Variants in CFTR observed in about 807,000 individuals in gnomAD.
CFTR encodes cystic fibrosis transmembrane conductance regulator.
Under a neutral mutation model 171.6 loss-of-function variants are expected in CFTR, and 181 were observed. The observed-to-expected ratio is 1.05, with a 90% CI of 0.93 to 1.19. CFTR has a LOEUF of 1.19. Ranked by LOEUF, CFTR falls within the 50% of genes most tolerant of loss-of-function variation. The pLI is 0.00. For synonymous variants in CFTR, 583 were observed against 608.0 expected, an observed-to-expected ratio of 0.96 and a Z score of 0.60; for missense variants, 1,968 against 1,734.7, an observed-to-expected ratio of 1.13 and a Z score of -2.39.
intron 13 of CFTR, 21 bp downstream of exon 13, chr7:117,590,460 A>G: frequency 6.3e-7 from 1 of 1,593,018 alleles, no homozygotes; most frequent in East Asian, 2.3e-5. Flanking sequence ...TGAATACCTT[A>G]CTTATAATGC....
rs1799418782 is a variant in CFTR, at chr7:117,559,515, A to G, written c.1444A>G (p.Ile482Val). ...AGAACTGGAGCCTTCAGAGGGTAAAATTAAGCACAGTGGAAGAATTTCATT... is the reference window on the plus strand; with the variant it reads ...AGAACTGGAGCCTTCAGAGGGTAAAGTTAAGCACAGTGGAAGAATTTCATT... ...MGELEPSEGK[I>V]KHSGRISFCS... The change falls in exon 11 of 27, where the codon ATT becomes GTT. Residue 482 changes from isoleucine (I) to valine (V), a missense_variant. Physicochemically the swap from Ile to Val is conservative, Grantham distance 29. Transcript: ENST00000003084. 1.2e-6 allele frequency: 2 copies of G among 1,612,548 alleles called. No homozygotes were observed. Among genetic ancestry groups the G allele is most frequent in the Non-Finnish European group, 1.7e-6 (2 of 1,178,746 alleles).
chr7:117,553,439 G>A (rs1049604078), intron 10 of CFTR, among the ~76,000 whole-genome samples: 91 of 152,206 alleles, frequency 6.0e-4, no homozygotes, highest in African/African-American at 2.0e-3. Context: ...CCTATAAGTG[G>A]TCAAGCATTT....
chr7:117,657,139 T>G (rs1413743315), intron 24 of CFTR, among the ~76,000 whole-genome samples: 2 of 152,112 alleles, frequency 1.3e-5, no homozygotes, highest in Non-Finnish European at 2.9e-5. Context: ...ACATTAGCCT[T>G]TATAAAATCT....
chr7:117,543,360 G>A (rs1338397547), intron 9 of CFTR, among the ~76,000 whole-genome samples: 6 of 152,086 alleles, frequency 3.9e-5, no homozygotes, highest in East Asian at 3.9e-4. Context: ...AAGTGTCTTC[G>A]TCGGCATGAA....
At chr7:117,484,914 A>C (rs561491798) in intron 1 of CFTR, among the ~76,000 whole-genome samples, 1 of 152,230 alleles carries the variant, frequency 6.6e-6, no homozygotes, top group East Asian at 1.9e-4. Flanking sequence ...TCCTTGCTAA[A>C]GAGAGAAGTG....
At chr7:117,587,878 C>T (rs1346170028) in intron 12 of CFTR, 45 bp downstream of exon 12, 1 of 1,153,424 alleles carries the variant, frequency 8.7e-7, no homozygotes, top group East Asian at 2.4e-5. Flanking sequence ...CTGTAAATGT[C>T]ATTCATGTAA....
intron 23 of CFTR, among the ~76,000 whole-genome samples, chr7:117,652,552 T>A (rs1793103751): frequency 6.6e-6 from 1 of 152,134 alleles, no homozygotes; most frequent in Non-Finnish European, 1.5e-5. Context: ...TAAAATTTTT[T>A]AATATTCTAC....
At chr7:117,530,564 G>A (rs1798842262) in intron 3 of CFTR, among the ~76,000 whole-genome samples, 1 of 152,024 alleles carries the variant, frequency 6.6e-6, no homozygotes, top group African/African-American at 2.4e-5. Flanking sequence ...ATAAAAAAGG[G>A]AAATGCTTTA....
chr7:117,481,269 A>T (rs1405350682), intron 1 of CFTR, among the ~76,000 whole-genome samples: 1 of 152,120 alleles, frequency 6.6e-6, no homozygotes, highest in Non-Finnish European at 1.5e-5. Context: ...TTTTGTGTTG[A>T]TGTTATCCAC....
intron 9 of CFTR, among the ~76,000 whole-genome samples, chr7:117,543,303 G>GA (rs1037640636): frequency 6.6e-6 from 1 of 152,182 alleles, no homozygotes; most frequent in Admixed American, 6.5e-5. Flanking sequence ...TTGTTTTGTA[G>GA]AAAAGTTTGT....
At chr7:117,574,083 T>A (rs1791736091) in intron 11 of CFTR, among the ~76,000 whole-genome samples, 1 of 152,046 alleles carries the variant, frequency 6.6e-6, no homozygotes. Context: ...GAAGGGAAGA[T>A]CTACTGTGAA....
intron 11 of CFTR, among the ~76,000 whole-genome samples, chr7:117,572,402 T>C: frequency 6.6e-6 from 1 of 152,232 alleles, no homozygotes; most frequent in Non-Finnish European, 1.5e-5. Flanking sequence ...TTAGTAATCA[T>C]GTTTGACTTA....
intron 23 of CFTR, among the ~76,000 whole-genome samples, chr7:117,647,976 G>C (rs928654517): frequency 6.7e-6 from 1 of 149,854 alleles, no homozygotes; most frequent in Admixed American, 6.7e-5. Context: ...AAGCATTTGG[G>C]CCACATTTTG....
chr7:117,564,551 A>G (rs1484140025), intron 11 of CFTR: 1 of 164,630 alleles, frequency 6.1e-6, no homozygotes, highest in African/African-American at 2.4e-5. Flanking sequence ...GTGCCAGCAC[A>G]AGAATCCCTC....
chr7:117,591,444 T>C lies in CFTR; in HGVS notation c.1767-490T>C, dbSNP rs149865856. On this transcript the variant is annotated intron_variant, in intron 13 of 26. Coordinates refer to ENST00000003084, the MANE Select transcript of CFTR (RefSeq NM_000492.4). ...CAGTTGTTATTATTGCTGTTTTATT[T>C]TTAGTGAAACAGATTAGTCTTAATG... Among the ~76,000 whole-genome samples, 756 of 152,174 alleles carry C rather than the reference T, an allele frequency of 5.0e-3. 11 individuals carry two copies. Among genetic ancestry groups the C allele is most frequent in the African/African-American group, 0.017 (699 of 41,558 alleles).
chr7:117,652,158 C>T (rs900090707), intron 23 of CFTR, among the ~76,000 whole-genome samples: 6 of 152,072 alleles, frequency 3.9e-5, no homozygotes, highest in African/African-American at 1.4e-4. Flanking sequence ...GTAGATGTTT[C>T]AGGGTAACAG....
intron 21 of CFTR, among the ~76,000 whole-genome samples, chr7:117,617,114 T>C (rs950299705): frequency 2.0e-5 from 3 of 152,198 alleles, no homozygotes; most frequent in Non-Finnish European, 4.4e-5. Context: ...GAGTTGAGTT[T>C]ACAATGGAGT....
chr7:117,520,828 T>C (rs1798673880), intron 3 of CFTR, among the ~76,000 whole-genome samples: 1 of 151,962 alleles, frequency 6.6e-6, no homozygotes, highest in African/African-American at 2.4e-5. Context: ...TTGTGCATGG[T>C]ATTAGGATTG....
chr7:117,603,466 T>C, intron 16 of CFTR, 66 bp from the exon 17 acceptor site: 1 of 1,582,566 alleles, frequency 6.3e-7, no homozygotes, highest in Non-Finnish European at 8.7e-7. Context: ...TAGTTCCATT[T>C]ACATGTATTG....
Sources: gnomAD v4.1 joint callset for allele counts (sites outside exome capture counted in the v4.1 genomes callset) on GRCh38, gnomAD v4.1.1 for gene constraint, MANE v1.5 for transcripts, NCBI Gene and HGNC (gene_info 2026-07-23, HGNC 2026-07-21) for gene names.